PRDM11: variants seen among roughly 807,000 people sequenced by gnomAD.
PRDM11 encodes PR/SET domain 11.
In PRDM11, 20 loss-of-function variants were observed where a neutral mutation model predicts 97.8. The ratio of observed to expected loss-of-function variants is 0.20; its 90% CI spans 0.14 to 0.30. The LOEUF (loss-of-function observed/expected upper bound fraction) is 0.30. Among genes scored for constraint, PRDM11 ranks in the 10% least tolerant of loss-of-function variants. The probability of loss-of-function intolerance (pLI) is 1.00; values close to 1 mark genes in which losing one functional copy is unlikely to be tolerated. For synonymous variants in PRDM11, 599 were observed against 637.7 expected (o/e 0.94, Z 0.91); for missense variants, 1,139 against 1,555.2 (o/e 0.73, Z 4.50).
intron 1 of PRDM11, among the ~76,000 whole-genome samples, chr11:45,096,200 A>G (rs1315241375): frequency 6.6e-6 from 1 of 152,214 alleles, no homozygotes; most frequent in Non-Finnish European, 1.5e-5. Context: ...GGCACCTGCC[A>G]TGTTCACTGC....
intron 1 of PRDM11, among the ~76,000 whole-genome samples, chr11:45,155,718 A>G (rs1392658264): frequency 6.6e-6 from 1 of 151,842 alleles, no homozygotes; most frequent in African/African-American, 2.4e-5. Flanking sequence ...CCTCAAGGGA[A>G]ATCAGCAAGC....
intron 6 of PRDM11, among the ~76,000 whole-genome samples, chr11:45,222,561 G>A (rs1404122708): frequency 6.6e-6 from 1 of 152,216 alleles, no homozygotes; most frequent in Non-Finnish European, 1.5e-5. Context: ...AGGCTGTGGG[G>A]AGCTGCCTGG....
At position 45,227,462 on chromosome 11, in the gene PRDM11, T is replaced by C; in HGVS notation, c.2837T>C (p.Met946Thr). 6.5e-7 allele frequency: 1 copy of C among 1,533,756 alleles called. No individual in the cohort carries two copies. Among genetic ancestry groups the C allele is most frequent in the Non-Finnish European group, 8.7e-7 (1 of 1,146,716 alleles). ...CGAGAGAGCTTCAACGGGATCGCCA[T>C]GAAGAACCTCAGGGTGGCTGAAGCC... ...NFRESFNGIA[M>T]KNLRVAEAKF... The change falls in exon 8 of 8, where the codon ATG becomes ACG. Residue 946 changes from methionine to threonine, a missense_variant. By Grantham distance (81) the Met-to-Thr change is moderately conservative (BLOSUM62 -1). This residue lies in a region of PRDM11 where 710 missense variants were observed against 1,044.9 expected (regional missense o/e 0.68). Coordinates refer to ENST00000683152, the MANE Select transcript of PRDM11 (RefSeq NM_001384648.1). This position sits in a 1 kb window ranked among gnomAD's most constrained non-coding sequence, Gnocchi z 8.0.
Position 45,219,491 on chromosome 11 carries a change from G to A in PRDM11, c.555-79G>A. ...TGTGGACTTCTAACCATCCACACTT[G>A]CCCAGCACTGTGCCGGCACCAGCGG... is the stretch of plus-strand genomic sequence containing the variant. On this transcript the variant is annotated intron_variant, in intron 5 of 7. Coordinates refer to ENST00000683152, the MANE Select transcript of PRDM11 (RefSeq NM_001384648.1). This position sits in a 1 kb window ranked among gnomAD's most constrained non-coding sequence, Gnocchi z 4.2. The A allele has an allele frequency of 2.2e-6, 3 of 1,385,766 alleles. No homozygotes were observed. Among genetic ancestry groups the A allele is most frequent in the Non-Finnish European group, 3.0e-6 (3 of 1,009,410 alleles). 85.8% of individuals were successfully genotyped at this position (1,385,766 alleles called of 1,614,324 possible). A position where few individuals can be genotyped will look rare whatever the true frequency, so the allele number is the denominator to read the frequency against.
At chr11:45,130,439 AATCAACAC>A (rs1852692197) in intron 1 of PRDM11, among the ~76,000 whole-genome samples, 1 of 152,200 alleles carries the variant, frequency 6.6e-6, no homozygotes, top group Non-Finnish European at 1.5e-5. Flanking sequence ...TCAAATGGCC[AATCAACAC>A]ATGAGAAGGT....
intron 1 of PRDM11, among the ~76,000 whole-genome samples, chr11:45,164,401 G>A (rs566577757): frequency 6.6e-6 from 1 of 152,392 alleles, no homozygotes. Context: ...GCTGTTGGCT[G>A]CATAAATTAC....
chr11:45,094,797 G>A (rs918417509), upstream of PRDM11, among the ~76,000 whole-genome samples: 3 of 139,080 alleles, frequency 2.2e-5, no homozygotes, highest in Admixed American at 7.1e-5. Context: ...GAGGGAGGAG[G>A]GAGAGAAGGA....
At chr11:45,123,694 A>G (rs948564852) in intron 1 of PRDM11, among the ~76,000 whole-genome samples, 35 of 150,236 alleles carry the variant, frequency 2.3e-4, no homozygotes, top group Non-Finnish European at 4.2e-4. Context: ...GTTCTGTTCC[A>G]TTGATCTATA....
intron 5 of PRDM11, chr11:45,208,973 C>T (rs1380111368): frequency 2.2e-6 from 1 of 456,624 alleles, no homozygotes; most frequent in African/African-American, 2.0e-5. Context: ...AAGCAGTGCT[C>T]TTTGGGAGGG....
In PRDM11 at chr11:45,182,890, G is replaced by A. The variant is rs1315137737; in HGVS notation, c.253G>A (p.Asp85Asn). ...TGAGTCCTGCCAGGAGTACTTCGTG[G>A]ATGAATGCCCAAACCATGGCCCCCC... ...FCESCQEYFVDECPNHGPPVF... is the reference protein window; with the variant it reads ...FCESCQEYFVNECPNHGPPVF... Residue 85 changes from aspartate (D) to asparagine (N), a missense_variant, in exon 4 of 8, where the codon GAT becomes AAT. By Grantham distance (23) the Asp-to-Asn change is conservative. Coordinates refer to ENST00000683152, the MANE Select transcript of PRDM11 (RefSeq NM_001384648.1). 1 of 1,605,828 alleles carries A rather than the reference G, an allele frequency of 6.2e-7. No individual in the cohort carries two copies. The highest frequency in any genetic ancestry group is 1.3e-5 in the African/African-American group (1 of 74,780).
chr11:45,102,828 A>C (rs1181962425), intron 1 of PRDM11, among the ~76,000 whole-genome samples: 1 of 152,222 alleles, frequency 6.6e-6, no homozygotes, highest in African/African-American at 2.4e-5. Context: ...TCAATGCCAG[A>C]GCAGTCAGGG....
chr11:45,160,167 C>T (rs1199765679), intron 1 of PRDM11, among the ~76,000 whole-genome samples: 3 of 152,206 alleles, frequency 2.0e-5, no homozygotes, highest in Non-Finnish European at 4.4e-5. Flanking sequence ...CCTTTAGATA[C>T]CTTGTGGTGT....
intron 1 of PRDM11, among the ~76,000 whole-genome samples, chr11:45,097,314 G>A (rs1409142074): frequency 1.3e-5 from 2 of 152,186 alleles, no homozygotes; most frequent in Non-Finnish European, 2.9e-5. Context: ...CACTGGACTA[G>A]GTTCCCTTCC....
intron 1 of PRDM11, among the ~76,000 whole-genome samples, chr11:45,177,055 G>A (rs1852343283): frequency 6.6e-6 from 1 of 152,216 alleles, no homozygotes; most frequent in Non-Finnish European, 1.5e-5. Context: ...CAACAGAGAT[G>A]CTGTGGTAGG....
At chr11:45,165,266 T>C (rs1470251279) in intron 1 of PRDM11, among the ~76,000 whole-genome samples, 1 of 152,218 alleles carries the variant, frequency 6.6e-6, no homozygotes, top group African/African-American at 2.4e-5. Context: ...ACAGGGCTGC[T>C]AATGGGGTAC....
rs535444398 is a variant in PRDM11, at chr11:45,161,372, A to G, written c.-7+14495A>G. Reference sequence around the variant, plus strand: ...CCGCTGTCCGCTAACATCCTGGTGGAGGCTGCTGCCTGGGAATGCAGCGGG... The same window carrying G: ...CCGCTGTCCGCTAACATCCTGGTGGGGGCTGCTGCCTGGGAATGCAGCGGG... On this transcript the variant is annotated intron_variant, in intron 1 of 7. Transcript: ENST00000683152. Among the ~76,000 whole-genome samples, 8 of 152,286 alleles carry G rather than the reference A, an allele frequency of 5.3e-5. No homozygotes were observed. The South Asian group carries it at 1.7e-3, about 32-fold the overall frequency.
At chr11:45,187,707 C>A (rs1045075825) in intron 4 of PRDM11, among the ~76,000 whole-genome samples, 2 of 151,986 alleles carry the variant, frequency 1.3e-5, no homozygotes, top group African/African-American at 2.4e-5. Flanking sequence ...GGCTGCAAGG[C>A]CATATGGGGG....
intron 5 of PRDM11, among the ~76,000 whole-genome samples, chr11:45,217,803 T>A (rs2135835732): frequency 6.6e-6 from 1 of 152,350 alleles, no homozygotes; most frequent in African/African-American, 2.4e-5. Context: ...CATACTGGAA[T>A]TGGCATTCGT....
In PRDM11 at chr11:45,171,077, T is replaced by TTTG. The variant is rs370741198; in HGVS notation, c.-6-10666_-6-10664dup. The stretch of plus-strand genomic sequence containing the variant: ...TTGTAGGATTGAAGGTTATGGGTTT[T>TTTG]TTGTTGTTGTTGTTGTTGTTTTGTT... On this transcript the variant is annotated intron_variant, in intron 1 of 7. Coordinates refer to ENST00000683152, the MANE Select transcript of PRDM11 (RefSeq NM_001384648.1). Among the ~76,000 whole-genome samples the TTTG allele has an allele frequency of 3.9e-5, 6 of 151,976 alleles. No homozygotes were observed. In the East Asian group the frequency reaches 5.8e-4, roughly 15 times the overall value.
Sources: allele counts gnomAD v4.1 joint callset (sites outside exome capture counted in the v4.1 genomes callset), GRCh38; gene constraint gnomAD v4.1.1; regional missense constraint gnomAD v4.1.1; non-coding constraint Gnocchi (gnomAD v3.1); transcripts MANE v1.5; gene names NCBI Gene and HGNC (gene_info 2026-07-23, HGNC 2026-07-21).